The following DFFB variants were observed in gnomAD, a reference collection of about 807,000 sequenced individuals.
DFFB encodes DNA fragmentation factor subunit beta, also known as DNA fragmentation factor 40 kDa subunit.
Under a neutral mutation model 32.7 loss-of-function variants are expected in DFFB, and 29 were observed. The ratio of observed to expected loss-of-function variants is 0.89; its 90% CI spans 0.66 to 1.21. DFFB has a LOEUF of 1.21. Among genes scored for constraint, DFFB ranks in the 50% most tolerant of loss-of-function variants. The probability of loss-of-function intolerance (pLI) is 0.00; values close to 1 mark genes in which losing one functional copy is unlikely to be tolerated. For missense variants in DFFB, 398 were observed against 440.6 expected, an observed-to-expected ratio of 0.90 and a Z score of 0.87; for synonymous variants, 170 against 177.1, an observed-to-expected ratio of 0.96 and a Z score of 0.32.
chr1:3,872,572 T>TAATA lies in DFFB; in HGVS notation c.782_782+1insAATA (p.Glu263AsnfsTer16). Reference sequence around the variant, plus strand: ...TTCAGCACCTGGAACCTGGATCACATGTAAGCTCACAGAGCGAGGTTCAGA... The same window carrying TAATA: ...TTCAGCACCTGGAACCTGGATCACATAATAGTAAGCTCACAGAGCGAGGTTCAGA... On this transcript the variant is annotated frameshift_variant and splice_region_variant. Transcript: ENST00000378209. LOFTEE classifies it high-confidence loss of function. The TAATA allele has an allele frequency of 6.2e-7, 1 of 1,613,176 alleles. No individual in the cohort carries two copies. Among genetic ancestry groups the TAATA allele is most frequent in the African/African-American group, 1.3e-5 (1 of 74,902 alleles).
At chr1:3,858,921 A>C in intron 2 of DFFB, 77 bp downstream of exon 2, 1 of 1,578,848 alleles carries the variant, frequency 6.3e-7, no homozygotes, top group South Asian at 1.1e-5. Flanking sequence ...CCAGGTGCCC[A>C]TCAGGGTGGG....
intron 6 of DFFB, among the ~76,000 whole-genome samples, chr1:3,873,594 T>C (rs1446402228): frequency 1.3e-5 from 2 of 151,954 alleles, no homozygotes; most frequent in South Asian, 4.1e-4. Flanking sequence ...ATTCTCCTAC[T>C]TTAGCTTCCC....
intron 4 of DFFB, among the ~76,000 whole-genome samples, chr1:3,869,098 T>C (rs1019125883): frequency 6.6e-6 from 1 of 152,078 alleles, no homozygotes; most frequent in African/African-American, 2.4e-5. Context: ...CTCACTCTGT[T>C]GCTCAGGCTG....
chr1:3,868,718 C>CACCAG (rs1439493586), intron 4 of DFFB, among the ~76,000 whole-genome samples: 2 of 138,090 alleles, frequency 1.4e-5, no homozygotes, highest in South Asian at 2.1e-4. Context: ...GGCCACACCA[C>CACCAG]GTCATTCCAC....
chr1:3,863,303 G>C (rs1023919148), intron 2 of DFFB, among the ~76,000 whole-genome samples: 1 of 152,174 alleles, frequency 6.6e-6, no homozygotes, highest in African/African-American at 2.4e-5. Flanking sequence ...ATCATCAGTC[G>C]TCAGGGAACT....
intron 2 of DFFB, among the ~76,000 whole-genome samples, chr1:3,864,391 C>T (rs183417593): frequency 1.4e-4 from 22 of 152,316 alleles, no homozygotes; most frequent in African/African-American, 4.3e-4. Flanking sequence ...CTTTCCACTG[C>T]GCAGTTTCTG....
At chr1:3,859,943 G>A (rs2124723036) in intron 2 of DFFB, among the ~76,000 whole-genome samples, 1 of 152,162 alleles carries the variant, frequency 6.6e-6, no homozygotes, top group Non-Finnish European at 1.5e-5. Flanking sequence ...CGCAGTCTCT[G>A]TCTCTCTCCT....
chr1:3,871,742 A>G (rs888257399), intron 5 of DFFB, among the ~76,000 whole-genome samples: 1 of 152,188 alleles, frequency 6.6e-6, no homozygotes, highest in South Asian at 2.1e-4. Context: ...TTATAAAGAA[A>G]AGAGGTGCAA....
intron 6 of DFFB, among the ~76,000 whole-genome samples, chr1:3,881,326 A>G (rs1645332890): frequency 6.6e-6 from 1 of 152,230 alleles, no homozygotes; most frequent in African/African-American, 2.4e-5. Context: ...CTTCTGCAGC[A>G]TTAGATAACG....
intron 4 of DFFB, among the ~76,000 whole-genome samples, chr1:3,868,755 A>G (rs35748554): frequency 0.069 from 6,145 of 88,586 alleles, 271 homozygotes; most frequent in East Asian, 0.16. Flanking sequence ...TCATTAGCAC[A>G]TGGAGGGTGC....
Position 3,857,702 on chromosome 1 carries a change from C to T in DFFB, c.99C>T (p.Gly33=). 6.5e-7 allele frequency: 1 copy of T among 1,549,040 alleles called. No homozygotes were observed. Among genetic ancestry groups the T allele is most frequent in the South Asian group, 1.2e-5 (1 of 82,996 alleles). ...GRSCQEVLRK[G]CLRFQLPERG... ...GCTGCCAGGAGGTGCTGCGCAAGGG[C>T]TGTCTCCGCTTCCAGGTGCCCGCTG... Residue 33 remains glycine, a synonymous_variant, in exon 1 of 7, where the codon GGC becomes GGT. Transcript: ENST00000378209.
intron 6 of DFFB, among the ~76,000 whole-genome samples, chr1:3,878,434 G>C (rs1236211322): frequency 6.6e-6 from 1 of 152,228 alleles, no homozygotes; most frequent in Non-Finnish European, 1.5e-5. Context: ...TTACAGGCGT[G>C]AGCCACCACG....
chr1:3,857,662 G>C lies in DFFB; in HGVS notation c.59G>C (p.Gly20Ala), dbSNP rs756916564. Reference sequence around the variant, plus strand: ...GCCCTGCGCAGCCCGAGGAAGTTCGGCGTGGCTGGCCGGAGCTGCCAGGAG... The same window carrying C: ...GCCCTGCGCAGCCCGAGGAAGTTCGCCGTGGCTGGCCGGAGCTGCCAGGAG... ...LRALRSPRKFGVAGRSCQEVL... is the reference protein window; with the variant it reads ...LRALRSPRKFAVAGRSCQEVL... The change falls in exon 1 of 7, where the codon GGC becomes GCC. Residue 20 changes from glycine (G) to alanine (A), a missense_variant. Transcript: ENST00000378209. The C allele has an allele frequency of 1.3e-6, 2 of 1,598,440 alleles. No individual in the cohort carries two copies. The highest frequency in any genetic ancestry group is 2.3e-5 in the South Asian group (2 of 88,588).
chr1:3,858,132 C>T (rs1181052837), intron 1 of DFFB, among the ~76,000 whole-genome samples: 1 of 152,214 alleles, frequency 6.6e-6, no homozygotes, highest in Non-Finnish European at 1.5e-5. Context: ...GCAATCGTCA[C>T]CTTATTCTAG....
chr1:3,872,083 C>T (rs896579325), intron 5 of DFFB, among the ~76,000 whole-genome samples: 6 of 152,198 alleles, frequency 3.9e-5, no homozygotes, highest in African/African-American at 9.6e-5. Context: ...TGGGGCTGCA[C>T]GTCCAAAGCA....
chr1:3,879,347 G>A (rs1278080479), intron 6 of DFFB, among the ~76,000 whole-genome samples: 4 of 152,128 alleles, frequency 2.6e-5, no homozygotes, highest in East Asian at 1.9e-4. Flanking sequence ...CTGTGCCTGC[G>A]TCTGGGCTGC....
intron 3 of DFFB, chr1:3,867,660 C>T: frequency 3.3e-6 from 1 of 301,578 alleles, no homozygotes. Flanking sequence ...CAAGATCAGC[C>T]TAGGTAACAA....
chr1:3,869,331 G>A (rs1439417125), intron 4 of DFFB, among the ~76,000 whole-genome samples: 4 of 152,236 alleles, frequency 2.6e-5, no homozygotes, highest in Non-Finnish European at 5.9e-5. Context: ...AGAGTGCTGG[G>A]ATTACAGACG....
chr1:3,883,452 T>A, intron 6 of DFFB, 55 bp from the exon 7 acceptor site: 1 of 1,515,354 alleles, frequency 6.6e-7, no homozygotes, highest in Admixed American at 1.7e-5. Flanking sequence ...TGCTATGACC[T>A]GTTGCCTGTG....
Sources: gnomAD v4.1 joint callset for allele counts (sites outside exome capture counted in the v4.1 genomes callset) on GRCh38, gnomAD v4.1.1 for gene constraint, MANE v1.5 for transcripts, NCBI Gene and HGNC (gene_info 2026-07-23, HGNC 2026-07-21) for gene names.